The following BBS9 variants were observed in gnomAD, a reference collection of about 807,000 sequenced individuals.
BBS9 encodes the protein protein PTHB1.
Under a neutral mutation model 117.7 loss-of-function variants are expected in BBS9, and 89 were observed. The observed-to-expected ratio is 0.76, with a 90% confidence interval of 0.64 to 0.90. BBS9 has a LOEUF of 0.90. Among genes scored for constraint, BBS9 ranks in the 40% least tolerant of loss-of-function variants. BBS9 has a pLI of 0.00. For missense variants in BBS9, 982 were observed against 1,042.2 expected, an observed-to-expected ratio of 0.94 and a Z score of 0.80; for synonymous variants, 379 against 370.9, an observed-to-expected ratio of 1.02 and a Z score of -0.25.
Position 33,394,588 on chromosome 7 carries a change from C to G in BBS9, c.2115+6444C>G, listed in dbSNP as rs560887719. Among the ~76,000 whole-genome samples, 5 of 152,214 alleles carry G rather than the reference C, an allele frequency of 3.3e-5. No individual in the cohort carries two copies. In the South Asian group the frequency reaches 1.0e-3, roughly 32 times the overall value. On this transcript the variant is annotated intron_variant, in intron 19 of 22. Coordinates refer to ENST00000242067, the MANE Select transcript of BBS9 (RefSeq NM_198428.3). ...ACTAATAAAATTTTGGGAAAAATAT[C>G]ATTCTTTTTGAAAGAATTTTCATCT...
intron 13 of BBS9, 198 bp downstream of exon 13, chr7:33,349,368 T>C: frequency 1.6e-6 from 1 of 609,240 alleles, no homozygotes; most frequent in South Asian, 1.5e-5. Flanking sequence ...TGGGTCAAAT[T>C]AATCTTTTAC....
intron 15 of BBS9, among the ~76,000 whole-genome samples, chr7:33,356,294 G>A (rs1234629602): frequency 6.6e-6 from 1 of 151,780 alleles, no homozygotes; most frequent in Non-Finnish European, 1.5e-5. Flanking sequence ...GTAGTGCTTT[G>A]TAATTGTTTT....
chr7:33,496,034 C>A (rs1199082395), intron 19 of BBS9, among the ~76,000 whole-genome samples: 1 of 152,058 alleles, frequency 6.6e-6, no homozygotes. Flanking sequence ...CCAGAAAAAC[C>A]ATTGTGACTT....
At chr7:33,346,428 T>C (rs1399541221) in intron 12 of BBS9, 1 of 244,294 alleles carries the variant, frequency 4.1e-6, no homozygotes, top group East Asian at 1.0e-4. Flanking sequence ...AGGATAAAAA[T>C]TTGGTATTAT....
intron 5 of BBS9, among the ~76,000 whole-genome samples, chr7:33,188,139 G>T (rs1783468295): frequency 8.0e-6 from 1 of 125,194 alleles, no homozygotes; most frequent in African/African-American, 2.9e-5. Flanking sequence ...TAGGGTGGGG[G>T]GAGGGGCGGG....
chr7:33,565,781 G>GTATA (rs70989957), intron 21 of BBS9, among the ~76,000 whole-genome samples: 221 of 65,554 alleles, frequency 3.4e-3, no homozygotes, highest in Non-Finnish European at 5.5e-3. Flanking sequence ...GCTATCAGTA[G>GTATA]TATATATATA....
At chr7:33,603,627 CTG>C (rs1334316236) in intron 21 of BBS9, among the ~76,000 whole-genome samples, 5 of 152,128 alleles carry the variant, frequency 3.3e-5, no homozygotes, top group Non-Finnish European at 7.3e-5. Context: ...GTTCTTGTTA[CTG>C]TGATCTACAG....
chr7:33,478,880 T>G (rs1259931447), intron 19 of BBS9, among the ~76,000 whole-genome samples: 4 of 150,212 alleles, frequency 2.7e-5, no homozygotes, highest in Admixed American at 2.0e-4. Context: ...AGTGGGTTTT[T>G]TTTTTTTTTT....
intron 16 of BBS9, among the ~76,000 whole-genome samples, chr7:33,366,214 G>A (rs1296741712): frequency 6.6e-6 from 1 of 152,284 alleles, no homozygotes; most frequent in South Asian, 2.1e-4. Flanking sequence ...AAAGATGCTG[G>A]TGTCTTCTGT....
intron 9 of BBS9, among the ~76,000 whole-genome samples, chr7:33,302,377 C>G (rs1362289647): frequency 3.3e-5 from 5 of 152,020 alleles, no homozygotes; most frequent in Non-Finnish European, 7.4e-5. Context: ...GAGAGTTTCC[C>G]CAGTGTTTTC....
At chr7:33,290,079 C>T (rs73313121) in intron 9 of BBS9, among the ~76,000 whole-genome samples, 17,126 of 151,738 alleles carry the variant, frequency 0.11, 1,139 homozygotes, top group African/African-American at 0.18. Context: ...AAGGAAATTA[C>T]TTTGAATTGT....
chr7:33,314,713 G>A (rs7797739), intron 9 of BBS9: 21,829 of 152,272 alleles, frequency 0.14, 2,318 homozygotes, highest in African/African-American at 0.3. Context: ...GTCTGGCATT[G>A]ACATACACAA....
rs564970086 is a variant in BBS9, at chr7:33,536,863, TATC to T, written c.2521+2690_2521+2692del. ...ATGTCCAAAGGTGACATGATAACAT[TATC>T]ATGAGTATTTCTTATTAAGAAATAC... On this transcript the variant is annotated intron_variant, in intron 21 of 22. Coordinates refer to ENST00000242067, the MANE Select transcript of BBS9 (RefSeq NM_198428.3). Among the ~76,000 whole-genome samples, 320 of 151,886 alleles carry T rather than the reference TATC, an allele frequency of 2.1e-3. 1 individual carries two copies. The highest frequency in any genetic ancestry group is 7.3e-3 in the African/African-American group (303 of 41,382).
chr7:33,349,779 T>C (rs529850333), intron 13 of BBS9, among the ~76,000 whole-genome samples: 62 of 152,190 alleles, frequency 4.1e-4, no homozygotes, highest in Non-Finnish European at 8.8e-5. Flanking sequence ...GGTGTTTCTT[T>C]AGTGATCTAT....
intron 19 of BBS9, among the ~76,000 whole-genome samples, chr7:33,497,827 G>A (rs1165431086): frequency 6.6e-6 from 1 of 152,162 alleles, no homozygotes; most frequent in African/African-American, 2.4e-5. Flanking sequence ...GTACGGTGCA[G>A]GGTGATCAGC....
At chr7:33,514,434 A>G (rs942589169) in intron 20 of BBS9, among the ~76,000 whole-genome samples, 4 of 152,164 alleles carry the variant, frequency 2.6e-5, no homozygotes, top group East Asian at 3.9e-4. Flanking sequence ...GATGGAAAAC[A>G]TAGTCTGTAC....
intron 9 of BBS9, among the ~76,000 whole-genome samples, chr7:33,285,705 A>G (rs1399992963): frequency 6.6e-6 from 1 of 152,162 alleles, no homozygotes; most frequent in African/African-American, 2.4e-5. Flanking sequence ...ATGGCCTGTC[A>G]TTTGGTACAC....
At chr7:33,471,279 T>G (rs935284311) in intron 19 of BBS9, among the ~76,000 whole-genome samples, 1 of 152,196 alleles carries the variant, frequency 6.6e-6, no homozygotes, top group Admixed American at 6.5e-5. Context: ...TTGTTACCTA[T>G]TTGTTTGTAA....
At chr7:33,589,017 C>CT (rs1398782580) in intron 21 of BBS9, among the ~76,000 whole-genome samples, 1 of 152,062 alleles carries the variant, frequency 6.6e-6, no homozygotes, top group Non-Finnish European at 1.5e-5. Flanking sequence ...ATGACTTTAC[C>CT]TTTTAAAACG....
Sources: gnomAD v4.1 joint callset for allele counts (sites outside exome capture counted in the v4.1 genomes callset) on GRCh38, gnomAD v4.1.1 for gene constraint, MANE v1.5 for transcripts, NCBI Gene and HGNC (gene_info 2026-07-23, HGNC 2026-07-21) for gene names.